NVL: variants seen among roughly 807,000 people sequenced by gnomAD.
NVL encodes nuclear VCP like.
A neutral mutation model predicts 110.2 loss-of-function variants in NVL; 84 were observed. The observed-to-expected ratio is 0.76, with a 90% CI of 0.64 to 0.91. The LOEUF (loss-of-function observed/expected upper bound fraction) is 0.91. Among genes scored for constraint, NVL ranks in the 40% least tolerant of loss-of-function variants. The pLI is 0.00. For synonymous variants in NVL, 354 were observed against 361.1 expected (o/e 0.98, Z 0.22); for missense variants, 882 against 1,035.9 (o/e 0.85, Z 2.04).
At chr1:224,235,771 T>A (rs1032826747) in intron 20 of NVL, among the ~76,000 whole-genome samples, 2 of 151,498 alleles carry the variant, frequency 1.3e-5, no homozygotes, top group South Asian at 2.1e-4. Context: ...ACTACAAAAA[T>A]TTTTTAAAAA....
At position 224,250,354 on chromosome 1, in the gene NVL, A is replaced by G. The variant is rs766677900; in HGVS notation, c.2183-36T>C. The G allele has an allele frequency of 4.7e-5, 70 of 1,493,810 alleles. 1 individual carries two copies. The highest frequency in any genetic ancestry group is 6.2e-5 in the Non-Finnish European group (70 of 1,121,216). The allele number at this position is 1,493,810 out of a possible 1,614,324, so 92.5% of individuals were successfully genotyped here. A position where few individuals can be genotyped will look rare whatever the true frequency, so the allele number is the denominator to read the frequency against. On this transcript the variant is annotated intron_variant, in intron 18 of 22. Transcript: ENST00000281701. ...AGGGAGAAAAAAAGTCTTAAATAAAACCTTTTATTTTTATTTTTTTATTTT... is the reference window on the plus strand; with the variant it reads ...AGGGAGAAAAAAAGTCTTAAATAAAGCCTTTTATTTTTATTTTTTTATTTT...
intron 4 of NVL, among the ~76,000 whole-genome samples, chr1:224,314,950 G>A (rs1669920762): frequency 6.6e-6 from 1 of 152,104 alleles, no homozygotes; most frequent in Non-Finnish European, 1.5e-5. Flanking sequence ...GGCGGTGGTT[G>A]CAGCGAGCTG....
At chr1:224,253,499 C>T (rs1189932395) in intron 18 of NVL, among the ~76,000 whole-genome samples, 1 of 151,480 alleles carries the variant, frequency 6.6e-6, no homozygotes, top group Non-Finnish European at 1.5e-5. Flanking sequence ...CTTTGGGAGG[C>T]TGAGGCGGGA....
chr1:224,251,249 G>C (rs1662452267), intron 18 of NVL, among the ~76,000 whole-genome samples: 1 of 129,268 alleles, frequency 7.7e-6, no homozygotes, highest in African/African-American at 2.7e-5. Context: ...ACTTCAGCCT[G>C]GCCAACAGAG....
chr1:224,305,301 C>T (rs1406651984), intron 6 of NVL, 135 bp from the exon 7 acceptor site: 1 of 748,296 alleles, frequency 1.3e-6, no homozygotes, highest in Admixed American at 3.0e-5. Flanking sequence ...TATTCCCAAT[C>T]TCTTTGCTCA....
intron 10 of NVL, among the ~76,000 whole-genome samples, chr1:224,297,288 A>C (rs1023327228): frequency 2.0e-4 from 30 of 152,244 alleles, no homozygotes; most frequent in African/African-American, 6.8e-4. Context: ...TAAAGGCTAC[A>C]CTGAATAAGG....
At chr1:224,293,636 G>A (rs1667588237) in intron 12 of NVL, among the ~76,000 whole-genome samples, 2 of 152,186 alleles carry the variant, frequency 1.3e-5, no homozygotes, top group South Asian at 4.1e-4. Flanking sequence ...TAACCTATAA[G>A]TGGACCAGAT....
intron 17 of NVL, among the ~76,000 whole-genome samples, chr1:224,271,958 G>A (rs1224587858): frequency 2.0e-5 from 3 of 151,950 alleles, no homozygotes; most frequent in Non-Finnish European, 4.4e-5. Context: ...AGGTTGCAGT[G>A]AGCCGAGATT....
chr1:224,254,981 C>T (rs1049004011), intron 18 of NVL, among the ~76,000 whole-genome samples: 2 of 150,992 alleles, frequency 1.3e-5, no homozygotes, highest in African/African-American at 2.4e-5. Context: ...AAGCGATTCT[C>T]CTGCCTCAGC....
At chr1:224,262,837 G>A (rs1664124232) in intron 18 of NVL, among the ~76,000 whole-genome samples, 1 of 152,210 alleles carries the variant, frequency 6.6e-6, no homozygotes, top group Non-Finnish European at 1.5e-5. Flanking sequence ...TGGGTCAGCA[G>A]AGAGAAATAG....
At chr1:224,316,662 C>CA (rs71170004) in intron 4 of NVL, among the ~76,000 whole-genome samples, 108,631 of 121,868 alleles carry the variant, frequency 0.89, 48,158 homozygotes, top group Middle Eastern at 0.94. Flanking sequence ...AACCCTGTCT[C>CA]AAAAAAAAAA....
chr1:224,315,907 CAGAT>C (rs1293780040), intron 4 of NVL, among the ~76,000 whole-genome samples: 1 of 152,128 alleles, frequency 6.6e-6, no homozygotes, highest in East Asian at 1.9e-4. Flanking sequence ...AAGAGATAAA[CAGAT>C]AGGTCAGGCA....
At chr1:224,312,093 A>C (rs1218153997) in intron 4 of NVL, 2 of 402,568 alleles carry the variant, frequency 5.0e-6, no homozygotes, top group Admixed American at 8.5e-5. Context: ...TCTGTCTCCC[A>C]GGGTTATTAA....
intron 22 of NVL, among the ~76,000 whole-genome samples, chr1:224,228,924 C>CA (rs368485856): frequency 0.19 from 15,905 of 81,658 alleles, 2,362 homozygotes; most frequent in East Asian, 0.39. Flanking sequence ...GACTCCGTCT[C>CA]AAAAAAAAAA....
At chr1:224,313,019 C>T in intron 4 of NVL, 2 of 280,762 alleles carry the variant, frequency 7.1e-6, no homozygotes, top group South Asian at 6.0e-5. Flanking sequence ...ATTAGCTGGG[C>T]ATGCTGGCAC....
intron 18 of NVL, among the ~76,000 whole-genome samples, chr1:224,259,871 G>A (rs1267400763): frequency 3.5e-5 from 5 of 143,862 alleles, no homozygotes; most frequent in African/African-American, 5.3e-5. Flanking sequence ...TTTTTGCCAC[G>A]TTAACCCAGG....
Position 224,326,418 on chromosome 1 carries a change from A to T in NVL, c.104T>A (p.Leu35Ter). 1 of 1,612,562 alleles carries T rather than the reference A, an allele frequency of 6.2e-7. No homozygotes were observed. The highest frequency in any genetic ancestry group is 2.2e-5 in the East Asian group (1 of 44,804). Reference sequence around the variant, plus strand: ...GTACACTCTTTGTAAATCAGACGCTAAGACTCCAATGTCCACATATTTGCC... The same window carrying T: ...GTACACTCTTTGTAAATCAGACGCTTAGACTCCAATGTCCACATATTTGCC... ...KCGKYVDIGV[L>*]ASDLQRVYSI... The change falls in exon 2 of 23, where the codon TTA becomes TAA. Residue 35 changes from leucine to a stop codon, truncating the protein, a stop_gained. Coordinates refer to ENST00000281701, the MANE Select transcript of NVL (RefSeq NM_002533.4). LOFTEE classifies it high-confidence loss of function.
At chr1:224,289,894 T>C (rs749826610) in intron 12 of NVL, among the ~76,000 whole-genome samples, 161 bp from the exon 13 acceptor site, 1 of 152,252 alleles carries the variant, frequency 6.6e-6, no homozygotes, top group Non-Finnish European at 1.5e-5. Flanking sequence ...CTGTCATTAT[T>C]ACATGTTCCA....
intron 4 of NVL, among the ~76,000 whole-genome samples, chr1:224,316,898 GA>G (rs1436226111): frequency 1.3e-5 from 2 of 152,118 alleles, no homozygotes; most frequent in Non-Finnish European, 2.9e-5. Flanking sequence ...AGCACTTTGG[GA>G]GGCCAAGATG....
Sources: gnomAD v4.1 joint callset for allele counts (sites outside exome capture counted in the v4.1 genomes callset) on GRCh38, gnomAD v4.1.1 for gene constraint, MANE v1.5 for transcripts, NCBI Gene and HGNC (gene_info 2026-07-23, HGNC 2026-07-21) for gene names.